The following SORBS3 variants were observed in gnomAD, a reference collection of about 807,000 sequenced individuals.
SORBS3 encodes the protein sorbin and SH3 domain containing 3, also known as vinexin.
SORBS3 carries 69 observed loss-of-function variants against 98.0 expected under a neutral mutation model. That is an observed-to-expected ratio of 0.70 (90% CI 0.58 to 0.86). SORBS3 has a LOEUF of 0.86. SORBS3 is among the 40% of genes least tolerant of loss of function. The pLI is 0.00. For synonymous variants in SORBS3, 394 were observed against 355.4 expected (o/e 1.11, Z -1.22); for missense variants, 954 against 908.5 (o/e 1.05, Z -0.64).
At chr8:22,567,774 G>C (rs1840463506) in intron 16 of SORBS3, among the ~76,000 whole-genome samples, 1 of 151,990 alleles carries the variant, frequency 6.6e-6, no homozygotes, top group Admixed American at 6.6e-5. Flanking sequence ...CCAAATTACT[G>C]GCATAAAGGT....
intron 7 of SORBS3, 105 bp from the exon 8 acceptor site, chr8:22,563,882 G>A (rs2469762): frequency 0.81 from 684,273 of 843,120 alleles, 278,379 homozygotes; most frequent in Admixed American, 0.89. Context: ...CAGAGGCAGA[G>A]TAGACCCCAC....
chr8:22,555,885 A>G (rs1001598066), intron 3 of SORBS3, among the ~76,000 whole-genome samples: 2 of 152,196 alleles, frequency 1.3e-5, no homozygotes, highest in Non-Finnish European at 2.9e-5. Context: ...ACCAAAAAAA[A>G]CACCCACACA....
upstream of SORBS3, among the ~76,000 whole-genome samples, chr8:22,549,119 A>G (rs1840046826): frequency 6.6e-6 from 1 of 152,194 alleles, no homozygotes; most frequent in Admixed American, 6.5e-5. Flanking sequence ...GCAGTTATGT[A>G]ACTGTGTTTA....
chr8:22,565,466 T>C lies in SORBS3; in HGVS notation c.903+112T>C, dbSNP rs1840388545. On this transcript the variant is annotated intron_variant, in intron 11 of 20. Coordinates refer to ENST00000240123, the MANE Select transcript of SORBS3 (RefSeq NM_005775.5). The stretch of plus-strand genomic sequence containing the variant: ...GAGGACGGGCAGCCGAGGTCCGGCC[T>C]CCAGCGGCGCGCACCGGCCTCGGGC... 11 of 846,702 alleles carry C rather than the reference T, an allele frequency of 1.3e-5. No homozygotes were observed. In the Middle Eastern group the frequency reaches 3.1e-3, roughly 242 times the overall value. The allele number at this position is 846,702 out of a possible 1,614,324, so 52.4% of individuals were successfully genotyped here. A position where few individuals can be genotyped will look rare whatever the true frequency, so the allele number is the denominator to read the frequency against.
chr8:22,573,259 T>C, intron 20 of SORBS3: 1 of 450,232 alleles, frequency 2.2e-6, no homozygotes, highest in South Asian at 1.6e-5. Flanking sequence ...GAGGCGGTGC[T>C]TGGAGATGCA....
rs1303352328 is a variant in SORBS3 at position 22,571,733 on chromosome 8, G to C, written c.1759G>C (p.Gly587Arg). The change falls in exon 19 of 21, where the codon GGT becomes CGT. Residue 587 changes from glycine (G) to arginine (R), a missense_variant. Physicochemically the swap from Gly to Arg is moderately radical, Grantham distance 125 (BLOSUM62 -2). Coordinates refer to ENST00000240123, the MANE Select transcript of SORBS3 (RefSeq NM_005775.5). The stretch of plus-strand genomic sequence containing the variant: ...CAACTCCCAGAATCTTGGCACCCCT[G>C]GTCCAGCTCTGTCCCACTCTCGAGG... The part of the protein sequence containing the change: ...RPQTQNLGTP[G>R]PALSHSRGPS... The C allele has an allele frequency of 1.9e-6, 3 of 1,613,734 alleles. No individual in the cohort carries two copies. The highest frequency in any genetic ancestry group is 2.5e-6 in the Non-Finnish European group (3 of 1,179,712).
At chr8:22,568,825 C>T (rs550766791) in intron 16 of SORBS3, among the ~76,000 whole-genome samples, 1 of 152,322 alleles carries the variant, frequency 6.6e-6, no homozygotes, top group South Asian at 2.1e-4. Context: ...TGGAACGCCT[C>T]ATTTTCTTCT....
At position 22,574,899 on chromosome 8, in the gene SORBS3, G is replaced by A. The variant is rs2117318104; in HGVS notation, c.*171G>A. 1.4e-6 allele frequency: 1 copy of A among 705,870 alleles called. No homozygotes were observed. The highest frequency in any genetic ancestry group is 1.8e-5 in the African/African-American group (1 of 56,182). 43.7% of individuals were successfully genotyped at this position (705,870 alleles called of 1,614,324 possible). On this transcript the variant is annotated 3_prime_UTR_variant, in exon 21 of 21. Transcript: ENST00000240123. ...GACCCCCCTCGAAGCCCCCTGGACT[G>A]ATTCCCACCCACGACTCACAGGCAT...
At position 22,564,043 on chromosome 8, in the gene SORBS3, G is replaced by C. The variant is rs1259937714; in HGVS notation, c.641G>C (p.Gly214Ala). 1.2e-6 allele frequency: 2 copies of C among 1,613,818 alleles called. No individual in the cohort carries two copies. Among genetic ancestry groups the C allele is most frequent in the Admixed American group, 1.7e-5 (1 of 60,000 alleles). ...AGAAGCACCTTCAACTACAGACCTG[G>C]AGCATTCTCCACTGTGCTGCAGCCC... ...LPRSTFNYRP[G>A]AFSTVLQPSN... The change falls in exon 8 of 21, where the codon GGA becomes GCA. Residue 214 changes from glycine to alanine, a missense_variant. Coordinates refer to ENST00000240123, the MANE Select transcript of SORBS3 (RefSeq NM_005775.5).
chr8:22,572,391 G>T lies in SORBS3; in HGVS notation c.1899G>T (p.Leu633=). The change falls in exon 20 of 21, where the codon CTG becomes CTT. Residue 633 remains leucine, a synonymous_variant. Transcript: ENST00000240123. ...YRPQNEDELE[L]REGDRVDVMQ... ...CCCAGAACGAAGACGAGCTGGAGCT[G>T]CGCGAGGGGGACAGGGTGGATGTCA... 1 of 1,614,118 alleles carries T rather than the reference G, an allele frequency of 6.2e-7. No individual in the cohort carries two copies. The highest frequency in any genetic ancestry group is 8.5e-7 in the Non-Finnish European group (1 of 1,179,996).
chr8:22,567,291 G>T (rs1446410008), intron 16 of SORBS3, 116 bp downstream of exon 16: 9 of 705,444 alleles, frequency 1.3e-5, no homozygotes, highest in South Asian at 5.2e-5. Context: ...GCTGGGGCGT[G>T]TCTCGGAACT....
Position 22,564,737 on chromosome 8 carries a change from G to A in SORBS3, c.816+216G>A, listed in dbSNP as rs994779230. ...AATAAATATGTGTTGGCCAAAGCAG[G>A]AGCAGAAAAGGGAGTGGTCAGTGCG... On this transcript the variant is annotated intron_variant, in intron 10 of 20. Transcript: ENST00000240123. 21 of 1,420,468 alleles carry A rather than the reference G, an allele frequency of 1.5e-5. No homozygotes were observed. The South Asian group carries it at 2.9e-4, about 19-fold the overall frequency. The allele number at this position is 1,420,468 out of a possible 1,614,324, so 88.0% of individuals were successfully genotyped here. A position where few individuals can be genotyped will look rare whatever the true frequency, so the allele number is the denominator to read the frequency against.
intron 15 of SORBS3, 74 bp downstream of exon 15, chr8:22,566,942 C>T: frequency 6.4e-7 from 1 of 1,574,638 alleles, no homozygotes; most frequent in South Asian, 1.1e-5. Context: ...GGGAGGGGGA[C>T]TGGGCTGCAG....
Position 22,574,775 on chromosome 8 carries a change from G to C in SORBS3, c.*47G>C, listed in dbSNP as rs748209182. 2 of 1,582,482 alleles carry C rather than the reference G, an allele frequency of 1.3e-6. No homozygotes were observed. Among genetic ancestry groups the C allele is most frequent in the Non-Finnish European group, 1.7e-6 (2 of 1,151,944 alleles). On this transcript the variant is annotated 3_prime_UTR_variant, in exon 21 of 21. Coordinates refer to ENST00000240123, the MANE Select transcript of SORBS3 (RefSeq NM_005775.5). ...AGCCAGCCAGGATGGGGTGGGGAGC[G>C]GTGGCACTCGTGGGAGGGAGAGGAC...
intron 3 of SORBS3, 66 bp downstream of exon 3, chr8:22,555,046 T>C (rs1840159773): frequency 6.6e-6 from 9 of 1,371,248 alleles, no homozygotes; most frequent in Non-Finnish European, 9.3e-6. Flanking sequence ...GGCACTGCCC[T>C]GTGTCAAGCG....
chr8:22,571,615 G>A, intron 18 of SORBS3, 103 bp from the exon 19 acceptor site: 1 of 815,572 alleles, frequency 1.2e-6, no homozygotes, highest in Admixed American at 1.9e-5. Flanking sequence ...AAGGCGTGCT[G>A]GCAGGTGGAC....
chr8:22,568,148 G>A lies in SORBS3; in HGVS notation c.1305+973G>A, dbSNP rs531219372. 2.5e-4 allele frequency among the ~76,000 whole-genome samples: 38 copies of A among 152,176 alleles called. No homozygotes were observed. In the South Asian group the frequency reaches 5.8e-3, roughly 23 times the overall value. Reference sequence around the variant, plus strand: ...GTTACAAGCGTGAGCCACTGTGCCCGGCTGATATGTTCTCTTTCATTCCTG... The same window carrying A: ...GTTACAAGCGTGAGCCACTGTGCCCAGCTGATATGTTCTCTTTCATTCCTG... On this transcript the variant is annotated intron_variant, in intron 16 of 20. Transcript: ENST00000240123.
intron 3 of SORBS3, among the ~76,000 whole-genome samples, chr8:22,555,400 C>T (rs1227282383): frequency 1.3e-5 from 2 of 152,182 alleles, no homozygotes. Context: ...GATCCCAGTC[C>T]AGAGGTCCTG....
upstream of SORBS3, among the ~76,000 whole-genome samples, chr8:22,549,070 G>A (rs1840046371): frequency 6.6e-6 from 1 of 152,228 alleles, no homozygotes; most frequent in Non-Finnish European, 1.5e-5. Context: ...CTTGAGCGGG[G>A]AATACTGATG....
Sources: allele counts gnomAD v4.1 joint callset (sites outside exome capture counted in the v4.1 genomes callset), GRCh38; gene constraint gnomAD v4.1.1; transcripts MANE v1.5; gene names NCBI Gene and HGNC (gene_info 2026-07-23, HGNC 2026-07-21).